The following STEAP1B variants were observed in gnomAD, a reference collection of about 807,000 sequenced individuals.
The protein encoded by STEAP1B is STEAP family protein MGC87042.
Under a neutral mutation model 27.9 loss-of-function variants are expected in STEAP1B, and 13 were observed. The observed-to-expected ratio is 0.47, with a 90% CI of 0.30 to 0.74. The LOEUF (loss-of-function observed/expected upper bound fraction) is 0.74. Among genes scored for constraint, STEAP1B ranks in the 30% least tolerant of loss-of-function variants. STEAP1B has a pLI of 0.06. For missense variants in STEAP1B, 250 were observed against 298.7 expected, an observed-to-expected ratio of 0.84 and a Z score of 1.20; for synonymous variants, 86 against 107.1, an observed-to-expected ratio of 0.80 and a Z score of 1.22.
intron 4 of STEAP1B, among the ~76,000 whole-genome samples, chr7:22,454,861 A>ATTTTTT (rs1409782120): frequency 1.7e-5 from 1 of 57,852 alleles, no homozygotes; most frequent in African/African-American, 7.6e-5. Flanking sequence ...ATATATATAT[A>ATTTTTT]TATATTTTTT....
intron 4 of STEAP1B, among the ~76,000 whole-genome samples, chr7:22,426,580 C>T (rs2686492): frequency 0.46 from 70,031 of 152,002 alleles, 16,199 homozygotes; most frequent in Middle Eastern, 0.59. Context: ...ACAGCAAAAA[C>T]GAGAACAAAA....
chr7:22,491,661 G>C (rs993237272), intron 4 of STEAP1B, among the ~76,000 whole-genome samples: 1 of 152,184 alleles, frequency 6.6e-6, no homozygotes, highest in African/African-American at 2.4e-5. Flanking sequence ...TAGGAAGAAA[G>C]TGAGTAAATT....
At chr7:22,459,418 T>C (rs2128407327) in intron 4 of STEAP1B, among the ~76,000 whole-genome samples, 1 of 152,354 alleles carries the variant, frequency 6.6e-6, no homozygotes, top group East Asian at 1.9e-4. Flanking sequence ...TTAAAGGAAC[T>C]GCTTTGTACC....
At chr7:22,490,708 T>C (rs1406322556) in intron 4 of STEAP1B, among the ~76,000 whole-genome samples, 1 of 152,234 alleles carries the variant, frequency 6.6e-6, no homozygotes, top group Non-Finnish European at 1.5e-5. Flanking sequence ...TTAGACTACA[T>C]GCCAATAGTC....
intron 4 of STEAP1B, among the ~76,000 whole-genome samples, chr7:22,453,455 T>C (rs1013593919): frequency 1.3e-5 from 2 of 152,196 alleles, no homozygotes; most frequent in African/African-American, 4.8e-5. Flanking sequence ...ACCATATTCA[T>C]GTCGTTGAGA....
rs535904483 is a variant in STEAP1B at position 22,463,493 on chromosome 7, G to A, written c.762+29072C>T. ...CTGGAACTGAAAAAGAGCCTGCATC[G>A]CCAAGTCAATCCTGAGCCAAAAGAA... is the stretch of plus-strand genomic sequence containing the variant. On this transcript the variant is annotated intron_variant, in intron 4 of 4. Coordinates refer to ENST00000678116, the MANE Select transcript of STEAP1B (RefSeq NM_001382447.1). 1.3e-3 allele frequency among the ~76,000 whole-genome samples: 196 copies of A among 152,246 alleles called. 2 individuals are homozygous for A. The highest frequency in any genetic ancestry group is 0.011 in the Admixed American group (171 of 15,290).
chr7:22,480,541 G>C (rs956350289), intron 4 of STEAP1B, among the ~76,000 whole-genome samples: 3 of 152,196 alleles, frequency 2.0e-5, no homozygotes, highest in African/African-American at 7.2e-5. Context: ...CAAAAGCTCA[G>C]AGACAGGGAA....
intron 4 of STEAP1B, among the ~76,000 whole-genome samples, chr7:22,486,484 T>A (rs1405971443): frequency 1.3e-5 from 2 of 152,090 alleles, no homozygotes; most frequent in Non-Finnish European, 2.9e-5. Context: ...CGCCTTAAAC[T>A]TCCTCCTATG....
intron 4 of STEAP1B, among the ~76,000 whole-genome samples, chr7:22,475,189 T>C (rs1166149944): frequency 6.6e-6 from 1 of 152,210 alleles, no homozygotes; most frequent in Non-Finnish European, 1.5e-5. Context: ...TATCCTGGCC[T>C]GCGTGTGGCT....
chr7:22,455,340 A>G (rs1785561660), intron 4 of STEAP1B, among the ~76,000 whole-genome samples: 1 of 152,230 alleles, frequency 6.6e-6, no homozygotes, highest in South Asian at 2.1e-4. Flanking sequence ...CCAATTTACA[A>G]TCTCACAAAT....
chr7:22,450,708 GATTAA>G (rs1204077770), intron 4 of STEAP1B, among the ~76,000 whole-genome samples: 2 of 151,464 alleles, frequency 1.3e-5, no homozygotes, highest in African/African-American at 4.9e-5. Flanking sequence ...TTTTGATAGA[GATTAA>G]ATTAAATCTG....
At chr7:22,447,785 C>T (rs556082965) in intron 4 of STEAP1B, among the ~76,000 whole-genome samples, 23 of 152,310 alleles carry the variant, frequency 1.5e-4, no homozygotes, top group African/African-American at 5.3e-4. Flanking sequence ...GATGGATATA[C>T]CCAAATTGCA....
chr7:22,488,777 C>T (rs933192309), intron 4 of STEAP1B, among the ~76,000 whole-genome samples: 14 of 152,180 alleles, frequency 9.2e-5, no homozygotes, highest in Admixed American at 4.6e-4. Context: ...AGACCTGAAC[C>T]GCACAGACCT....
rs557071668 is a variant in STEAP1B at position 22,445,851 on chromosome 7, C to T, written c.763-26015G>A. Among the ~76,000 whole-genome samples the T allele has an allele frequency of 1.5e-3, 236 of 152,366 alleles. 2 individuals are homozygous for T. The highest frequency in any genetic ancestry group is 0.014 in the Middle Eastern group (4 of 294). The stretch of plus-strand genomic sequence containing the variant: ...GGGAAATAAGCTCTTTTATAGAATG[C>T]TTTTCTCCTCCTGATTTCACTTGTG... On this transcript the variant is annotated intron_variant, in intron 4 of 4. Coordinates refer to ENST00000678116, the MANE Select transcript of STEAP1B (RefSeq NM_001382447.1).
At position 22,493,394 on chromosome 7, in the gene STEAP1B, G is replaced by C; in HGVS notation, c.527C>G (p.Ala176Gly). Residue 176 changes from alanine (A) to glycine (G), a missense_variant, in exon 3 of 5, where the codon GCA (alanine) becomes GGA (glycine). Physicochemically the swap from Ala to Gly is moderately conservative, Grantham distance 60. Transcript: ENST00000678116. ...CATTGCGTAAGACAGAGTATAAATT[G>C]CATGCAGTACAGCAAAAAACAAACT... The part of the protein sequence containing the change: ...LLSLFFAVLH[A>G]IYTLSYAMRR... 6.2e-7 allele frequency: 1 copy of C among 1,614,160 alleles called. No homozygotes were observed. The highest frequency in any genetic ancestry group is 1.1e-5 in the South Asian group (1 of 91,080).
intron 4 of STEAP1B, among the ~76,000 whole-genome samples, chr7:22,447,879 C>T (rs1053653364): frequency 3.3e-5 from 5 of 152,230 alleles, no homozygotes; most frequent in Non-Finnish European, 7.3e-5. Flanking sequence ...ATCTAAGGCT[C>T]ACAAACAGTT....
chr7:22,462,786 A>G (rs1263334176), intron 4 of STEAP1B, among the ~76,000 whole-genome samples: 1 of 151,598 alleles, frequency 6.6e-6, no homozygotes, highest in African/African-American at 2.4e-5. Context: ...TTCTAGTTCT[A>G]GATCCCTGAG....
chr7:22,472,847 C>T (rs967166976), intron 4 of STEAP1B, among the ~76,000 whole-genome samples: 1 of 152,096 alleles, frequency 6.6e-6, no homozygotes, highest in Non-Finnish European at 1.5e-5. Context: ...GCTATGGAGG[C>T]GGGAGATTTA....
intron 4 of STEAP1B, among the ~76,000 whole-genome samples, chr7:22,472,313 C>A (rs1301097880): frequency 7.2e-5 from 11 of 152,202 alleles, no homozygotes; most frequent in African/African-American, 2.2e-4. Context: ...CCACCAGCCT[C>A]CCGAGTCTGC....
Sources: allele counts gnomAD v4.1 joint callset (sites outside exome capture counted in the v4.1 genomes callset), GRCh38; gene constraint gnomAD v4.1.1; transcripts MANE v1.5; gene names NCBI Gene and HGNC (gene_info 2026-07-23, HGNC 2026-07-21).